Variants in RORA observed in about 807,000 individuals in gnomAD.
RORA encodes nuclear receptor ROR-alpha.
RORA carries 7 observed loss-of-function variants against 69.5 expected under a neutral mutation model. The observed-to-expected ratio is 0.10, with a 90% CI of 0.06 to 0.19. The LOEUF (loss-of-function observed/expected upper bound fraction) is 0.19, where lower values mean the gene tolerates loss of function less well. Ranked by LOEUF, RORA falls within the 10% of genes least tolerant of loss-of-function variation. The pLI, the probability that RORA is intolerant of heterozygous loss-of-function variation, is 1.00. For synonymous variants in RORA, 261 were observed against 240.8 expected, an observed-to-expected ratio of 1.08 and a Z score of -0.78; for missense variants, 457 against 663.0, an observed-to-expected ratio of 0.69 and a Z score of 3.41.
At chr15:60,876,601 C>T (rs1278397397) in intron 1 of RORA, among the ~76,000 whole-genome samples, 2 of 152,060 alleles carry the variant, frequency 1.3e-5, no homozygotes, top group African/African-American at 4.8e-5. Context: ...CACCATGGAG[C>T]ACACTTGTTA....
intron 1 of RORA, among the ~76,000 whole-genome samples, chr15:61,046,076 A>G (rs1242995111): frequency 6.6e-6 from 1 of 152,148 alleles, no homozygotes; most frequent in Non-Finnish European, 1.5e-5. Context: ...GACAGGATAG[A>G]TCAACGGAGA....
chr15:60,851,647 T>C (rs915718786), intron 1 of RORA, among the ~76,000 whole-genome samples: 26 of 152,180 alleles, frequency 1.7e-4, no homozygotes, highest in African/African-American at 6.3e-4. Context: ...TCTTGGCATT[T>C]ACCATAAACT....
chr15:60,762,330 AT>A (rs1007539216), intron 1 of RORA, among the ~76,000 whole-genome samples: 2 of 152,188 alleles, frequency 1.3e-5, no homozygotes, highest in East Asian at 1.9e-4. Flanking sequence ...CTGGTTCTTA[AT>A]TTAAATTTTA....
intron 1 of RORA, among the ~76,000 whole-genome samples, chr15:61,157,993 G>C (rs897960910): frequency 6.6e-6 from 1 of 152,136 alleles, no homozygotes; most frequent in Non-Finnish European, 1.5e-5. Flanking sequence ...GGAGAGCATG[G>C]AAAGCCACAG....
At chr15:60,965,452 G>C (rs1486123030) in intron 1 of RORA, among the ~76,000 whole-genome samples, 2 of 152,112 alleles carry the variant, frequency 1.3e-5, no homozygotes, top group East Asian at 3.9e-4. Flanking sequence ...CTGTACACTG[G>C]GCTTAAAACT....
chr15:60,509,221 T>C (rs2065612056), intron 5 of RORA, among the ~76,000 whole-genome samples: 1 of 152,228 alleles, frequency 6.6e-6, no homozygotes, highest in African/African-American at 2.4e-5. Context: ...TGAAACACTT[T>C]GCATGTATAA....
intron 1 of RORA, among the ~76,000 whole-genome samples, chr15:61,126,718 T>C (rs1306908853): frequency 6.6e-6 from 1 of 152,170 alleles, no homozygotes; most frequent in Non-Finnish European, 1.5e-5. Context: ...ATCTCCATTT[T>C]ACAGAAGAGA....
rs1473590952 is a variant in RORA at position 60,534,121 on chromosome 15, C to T, written c.197-2270G>A. Among the ~76,000 whole-genome samples, 1 of 152,218 alleles carries T rather than the reference C, an allele frequency of 6.6e-6. No individual in the cohort carries two copies. The highest frequency in any genetic ancestry group is 6.5e-5 in the Admixed American group (1 of 15,278). On this transcript the variant is annotated intron_variant, in intron 2 of 10. Coordinates refer to ENST00000335670, the MANE Select transcript of RORA (RefSeq NM_134261.3). This position sits in a 1 kb window ranked among gnomAD's most constrained non-coding sequence, Gnocchi z 5.0. ...AGTATTCCTGTACAGTCGGCCTGGA[C>T]TCACAGTGGATTACTAATTAGAAGT... is the stretch of plus-strand genomic sequence containing the variant.
At chr15:60,933,636 G>T (rs1332099584) in intron 1 of RORA, among the ~76,000 whole-genome samples, 3 of 152,152 alleles carry the variant, frequency 2.0e-5, no homozygotes, top group Admixed American at 2.0e-4. Context: ...AGGGGTGGGG[G>T]AGGATGTCTT....
chr15:60,906,115 T>C (rs1286163449), intron 1 of RORA, among the ~76,000 whole-genome samples: 4 of 152,216 alleles, frequency 2.6e-5, no homozygotes, highest in Non-Finnish European at 5.9e-5. Context: ...CTTCATAATA[T>C]ATGAACAAGC....
intron 2 of RORA, among the ~76,000 whole-genome samples, chr15:60,563,475 C>A (rs2067634328): frequency 6.6e-6 from 1 of 152,102 alleles, no homozygotes; most frequent in African/African-American, 2.4e-5. Context: ...GAGATTTTAC[C>A]CCTTATGTAT....
rs200211564 is a variant in RORA at position 60,511,182 on chromosome 15, A to T, written c.820+44T>A. ...GTCAGACATACCCCTTTTACTTCAA[A>T]GGGCATGAATAGAGCATCCCAGGAG... On this transcript the variant is annotated intron_variant, in intron 5 of 10. Coordinates refer to ENST00000335670, the MANE Select transcript of RORA (RefSeq NM_134261.3). This position sits in a 1 kb window ranked among gnomAD's most constrained non-coding sequence, Gnocchi z 6.4. The T allele has an allele frequency of 4.5e-6, 7 of 1,560,146 alleles. No individual in the cohort carries two copies. Among genetic ancestry groups the T allele is most frequent in the African/African-American group, 1.4e-5 (1 of 73,472 alleles).
At chr15:61,026,269 T>C (rs1489170095) in intron 1 of RORA, among the ~76,000 whole-genome samples, 5 of 152,230 alleles carry the variant, frequency 3.3e-5, no homozygotes, top group African/African-American at 4.8e-5. Context: ...CCGTTAAAGC[T>C]ATGTAGATTA....
chr15:60,678,354 G>A (rs2070586054), intron 2 of RORA: 1 of 281,186 alleles, frequency 3.6e-6, no homozygotes, highest in Admixed American at 5.0e-5. Flanking sequence ...AAGGATCTAG[G>A]ATAAGGGTGA....
Position 61,229,206 on chromosome 15 carries a change from G to T in RORA, c.13C>A (p.Pro5Thr), listed in dbSNP as rs1279451591. MESAPAAPDPAASEP... is the reference protein window; with the variant it reads MESATAAPDPAASEP... The stretch of plus-strand genomic sequence containing the variant: ...CTGGCGGCGGGGTCGGGGGCTGCCG[G>T]AGCTGACTCCATGTTTTTTCCCAAT... Residue 5 changes from proline (P) to threonine (T), a missense_variant, in exon 1 of 11, where the codon CCG (proline) becomes ACG (threonine). By Grantham distance (38) the Pro-to-Thr change is conservative. Coordinates refer to ENST00000335670, the MANE Select transcript of RORA (RefSeq NM_134261.3). 1.3e-6 allele frequency: 2 copies of T among 1,537,168 alleles called. No homozygotes were observed. Among genetic ancestry groups the T allele is most frequent in the Admixed American group, 2.0e-5 (1 of 51,114 alleles).
intron 1 of RORA, among the ~76,000 whole-genome samples, chr15:60,730,615 T>C (rs1247381689): frequency 2.0e-5 from 3 of 152,340 alleles, no homozygotes; most frequent in East Asian, 3.9e-4. Context: ...GCTTTAAATA[T>C]ATGCTTAAAT....
At chr15:60,653,245 A>G (rs190608675) in intron 2 of RORA, among the ~76,000 whole-genome samples, 2 of 152,328 alleles carry the variant, frequency 1.3e-5, no homozygotes, top group African/African-American at 2.4e-5. Flanking sequence ...TGGCTGCCAC[A>G]TATGAGCCAC....
chr15:60,626,113 A>G (rs2069572339), intron 2 of RORA, among the ~76,000 whole-genome samples: 1 of 152,076 alleles, frequency 6.6e-6, no homozygotes, highest in Admixed American at 6.5e-5. Context: ...GCTCACGACT[A>G]TTTCCCTGCC....
At chr15:60,627,499 A>T in intron 2 of RORA, 1 of 1,526,670 alleles carries the variant, frequency 6.6e-7, no homozygotes, top group Non-Finnish European at 8.8e-7. Flanking sequence ...GGGGAGGAGT[A>T]TGGGGGATAA....
Sources: allele counts gnomAD v4.1 joint callset (sites outside exome capture counted in the v4.1 genomes callset), GRCh38; gene constraint gnomAD v4.1.1; non-coding constraint Gnocchi (gnomAD v3.1); transcripts MANE v1.5; gene names NCBI Gene and HGNC (gene_info 2026-07-23, HGNC 2026-07-21).